The following MYLK variants were observed in gnomAD, a reference collection of about 807,000 sequenced individuals.
MYLK encodes the protein myosin light chain kinase.
Under a neutral mutation model 203.4 loss-of-function variants are expected in MYLK, and 106 were observed. The ratio of observed to expected loss-of-function variants is 0.52; its 90% CI spans 0.45 to 0.61. MYLK has a LOEUF of 0.61. Ranked by LOEUF, MYLK falls within the 20% of genes least tolerant of loss-of-function variation. The pLI, the probability that MYLK is intolerant of heterozygous loss-of-function variation, is 0.00. For synonymous variants in MYLK, 867 were observed against 959.5 expected (o/e 0.90, Z 1.78); for missense variants, 2,072 against 2,442.3 (o/e 0.85, Z 3.20).
intron 5 of MYLK, among the ~76,000 whole-genome samples, chr3:123,744,664 A>G (rs934104464): frequency 2.6e-5 from 4 of 152,218 alleles, no homozygotes; most frequent in African/African-American, 9.6e-5. Context: ...ACCTTGAAAT[A>G]CACATTCAGT....
intron 2 of MYLK, among the ~76,000 whole-genome samples, chr3:123,855,507 C>G (rs1398150654): frequency 6.6e-6 from 1 of 151,734 alleles, no homozygotes; most frequent in African/African-American, 2.4e-5. Flanking sequence ...CAGGCTGGAG[C>G]ATGAGCCTGT....
rs763161470 is a variant in MYLK, at chr3:123,666,209, C to T, written c.3831+10G>A. ...AGCACCCCCAGTGCCCACCCCATAC[C>T]GTCACTGACCTGCTTTCGGAACTTC... On this transcript the variant is annotated intron_variant, in intron 22 of 33. Coordinates refer to ENST00000360304, the MANE Select transcript of MYLK (RefSeq NM_053025.4). 59 of 1,614,110 alleles carry T rather than the reference C, an allele frequency of 3.7e-5. No homozygotes were observed. Among genetic ancestry groups the T allele is most frequent in the Admixed American group, 8.3e-5 (5 of 60,010 alleles).
intron 2 of MYLK, among the ~76,000 whole-genome samples, chr3:123,853,286 G>A (rs1178835272): frequency 6.6e-6 from 1 of 152,002 alleles, no homozygotes; most frequent in African/African-American, 2.4e-5. Flanking sequence ...GAGGTCTCTG[G>A]GCCCTCAACT....
chr3:123,640,255 T>C lies in MYLK; in HGVS notation c.4837+32A>G, dbSNP rs565486781. Reference sequence around the variant, plus strand: ...AGGAAACGGCCAGTGCAATACACACTGGTGTCCATGGGAGAGGCAGATGAG... The same window carrying C: ...AGGAAACGGCCAGTGCAATACACACCGGTGTCCATGGGAGAGGCAGATGAG... On this transcript the variant is annotated intron_variant, in intron 28 of 33. Transcript: ENST00000360304. This position sits in a 1 kb window ranked among gnomAD's most constrained non-coding sequence, Gnocchi z 4.3. 1 of 1,598,560 alleles carries C rather than the reference T, an allele frequency of 6.3e-7. No individual in the cohort carries two copies. Among genetic ancestry groups the C allele is most frequent in the African/African-American group, 1.3e-5 (1 of 74,482 alleles).
At chr3:123,883,104 T>C (rs147031783) in intron 1 of MYLK, among the ~76,000 whole-genome samples, 179 of 152,256 alleles carry the variant, frequency 1.2e-3, no homozygotes, top group African/African-American at 3.9e-3. Context: ...AATAATTTAT[T>C]GATAAGTGCA....
At chr3:123,730,189 C>G (rs1041045543) in intron 11 of MYLK, among the ~76,000 whole-genome samples, 3 of 152,144 alleles carry the variant, frequency 2.0e-5, no homozygotes, top group African/African-American at 7.2e-5. Flanking sequence ...TATCATGCCA[C>G]TGCACTCTAG....
intron 2 of MYLK, among the ~76,000 whole-genome samples, chr3:123,847,980 A>G (rs2030236132): frequency 6.6e-6 from 1 of 152,034 alleles, no homozygotes; most frequent in Non-Finnish European, 1.5e-5. Context: ...GGAGTTCTAC[A>G]TGCAAAAAAC....
At chr3:123,734,515 T>G in intron 9 of MYLK, 7 of 334,616 alleles carry the variant, frequency 2.1e-5, no homozygotes, top group Non-Finnish European at 2.7e-5. Context: ...GCCACCGGTG[T>G]CCCGTGTCCA....
At chr3:123,713,577 CAA>C (rs2061780993) in intron 13 of MYLK, among the ~76,000 whole-genome samples, 124 of 109,942 alleles carry the variant, frequency 1.1e-3, no homozygotes, top group East Asian at 2.7e-3. Flanking sequence ...AAGAGCAACA[CAA>C]TGTGTGTGTG....
intron 19 of MYLK, among the ~76,000 whole-genome samples, chr3:123,683,807 G>A (rs1420160666): frequency 3.3e-5 from 5 of 151,036 alleles, no homozygotes; most frequent in African/African-American, 5.0e-5. Context: ...AGTATGTGAC[G>A]GGGTGTTGGG....
In MYLK at chr3:123,642,649, G is replaced by T. The variant is rs1437312256; in HGVS notation, c.4620-2145C>A. Among the ~76,000 whole-genome samples the T allele has an allele frequency of 6.6e-6, 1 of 152,156 alleles. No individual in the cohort carries two copies. The highest frequency in any genetic ancestry group is 1.5e-5 in the Non-Finnish European group (1 of 68,018). Reference sequence around the variant, plus strand: ...TCCATTTCTATTGCTCTCTGCCAAGGCTCCAAGACAAACTCTCATCTACAA... The same window carrying T: ...TCCATTTCTATTGCTCTCTGCCAAGTCTCCAAGACAAACTCTCATCTACAA... On this transcript the variant is annotated intron_variant, in intron 27 of 33. Coordinates refer to ENST00000360304, the MANE Select transcript of MYLK (RefSeq NM_053025.4). This position sits in a 1 kb window ranked among gnomAD's most constrained non-coding sequence, Gnocchi z 4.2.
chr3:123,859,018 G>A (rs145343618), intron 2 of MYLK, among the ~76,000 whole-genome samples: 101 of 152,258 alleles, frequency 6.6e-4, no homozygotes, highest in African/African-American at 2.3e-3. Flanking sequence ...AGTATATAAA[G>A]TGATTAAATG....
At chr3:123,644,037 G>T (rs1382268819) in intron 27 of MYLK, among the ~76,000 whole-genome samples, 1 of 152,210 alleles carries the variant, frequency 6.6e-6, no homozygotes, top group Non-Finnish European at 1.5e-5. Flanking sequence ...ACTATATGGT[G>T]GGGGCTCATC....
At chr3:123,776,260 G>A (rs1003639896) in intron 4 of MYLK, among the ~76,000 whole-genome samples, 2 of 152,194 alleles carry the variant, frequency 1.3e-5, no homozygotes, top group African/African-American at 4.8e-5. Context: ...GATGTGACAA[G>A]GCAAGTTTGA....
At chr3:123,873,316 CA>C (rs949777620) in intron 2 of MYLK, among the ~76,000 whole-genome samples, 1 of 151,888 alleles carries the variant, frequency 6.6e-6, no homozygotes, top group African/African-American at 2.4e-5. Flanking sequence ...AAAGTATCTA[CA>C]AAAAACCTAT....
Position 123,700,211 on chromosome 3 carries a change from T to C in MYLK, c.3257A>G (p.Asp1086Gly). 1 of 1,614,032 alleles carries C rather than the reference T, an allele frequency of 6.2e-7. No homozygotes were observed. Among genetic ancestry groups the C allele is most frequent in the Non-Finnish European group, 8.5e-7 (1 of 1,180,014 alleles). The change falls in exon 18 of 34, where the codon GAT becomes GGT. Residue 1086 changes from aspartate (D) to glycine (G), a missense_variant. By Grantham distance (94) the Asp-to-Gly change is moderately conservative. This residue lies in a region of MYLK where 865 missense variants were observed against 1,016.0 expected (regional missense o/e 0.85). Coordinates refer to ENST00000360304, the MANE Select transcript of MYLK (RefSeq NM_053025.4). ...NCKRGHAGTT[D>G]NEKRSESQGT... is the part of the protein sequence containing the mutation. ...CTGGCTCTCTGATCTCTTTTCATTATCTGTGGTCCCTGCATGGCCTCTCTT... is the reference window on the plus strand; with the variant it reads ...CTGGCTCTCTGATCTCTTTTCATTACCTGTGGTCCCTGCATGGCCTCTCTT...
intron 31 of MYLK, 108 bp downstream of exon 31, chr3:123,626,710 A>G (rs1438197354): frequency 6.5e-7 from 1 of 1,546,596 alleles, no homozygotes; most frequent in African/African-American, 1.4e-5. Flanking sequence ...CTTCAGAAAT[A>G]AATTTAAACT....
intron 4 of MYLK, among the ~76,000 whole-genome samples, chr3:123,778,421 G>C (rs1049124317): frequency 6.6e-6 from 1 of 151,722 alleles, no homozygotes; most frequent in Non-Finnish European, 1.5e-5. Context: ...GCTGAGGCAG[G>C]AGAATGGCGT....
chr3:123,760,520 C>T (rs555150143), intron 4 of MYLK, among the ~76,000 whole-genome samples: 2 of 152,196 alleles, frequency 1.3e-5, no homozygotes, highest in African/African-American at 2.4e-5. Flanking sequence ...TACAATACCA[C>T]ATTAATAGAT....
Sources: gnomAD v4.1 joint callset for allele counts (sites outside exome capture counted in the v4.1 genomes callset) on GRCh38, gnomAD v4.1.1 for gene constraint, gnomAD v4.1.1 regional missense constraint, Gnocchi (gnomAD v3.1) non-coding constraint, MANE v1.5 for transcripts, NCBI Gene and HGNC (gene_info 2026-07-23, HGNC 2026-07-21) for gene names.